The following GRM4 variants were observed in gnomAD, a reference collection of about 807,000 sequenced individuals.
The protein encoded by GRM4 is metabotropic glutamate receptor 4.
In GRM4, 28 loss-of-function variants were observed where a neutral mutation model predicts 81.7. The ratio of observed to expected loss-of-function variants is 0.34; its 90% CI spans 0.25 to 0.47. GRM4 has a LOEUF of 0.47. Among genes scored for constraint, GRM4 ranks in the 20% least tolerant of loss-of-function variants. GRM4 has a pLI of 1.00. For synonymous variants in GRM4, 488 were observed against 528.8 expected, an observed-to-expected ratio of 0.92 and a Z score of 1.06; for missense variants, 948 against 1,290.0, an observed-to-expected ratio of 0.73 and a Z score of 4.06.
rs190400750 is a variant in GRM4 at position 34,039,084 on chromosome 6, T to G, written c.1506+1094A>C. Among the ~76,000 whole-genome samples, 7 of 152,306 alleles carry G rather than the reference T, an allele frequency of 4.6e-5. No homozygotes were observed. In the East Asian group the frequency reaches 1.4e-3, roughly 29 times the overall value. On this transcript the variant is annotated intron_variant, in intron 8 of 10. Transcript: ENST00000538487. The stretch of plus-strand genomic sequence containing the variant: ...CTTGGTGTTATCCCACTTTGCCAAG[T>G]GCTCCTCACACCCTGTTGTGCCCAT...
intron 1 of GRM4, among the ~76,000 whole-genome samples, chr6:34,135,938 C>T (rs1561833932): frequency 6.6e-6 from 1 of 152,190 alleles, no homozygotes; most frequent in Non-Finnish European, 1.5e-5. Context: ...GACAAATTTT[C>T]AGTTGTTGCA....
chr6:34,085,258 C>T (rs1033259455), intron 3 of GRM4, among the ~76,000 whole-genome samples: 6 of 152,226 alleles, frequency 3.9e-5, no homozygotes, highest in African/African-American at 1.4e-4. Context: ...GACTGAGCCT[C>T]TTTCCCTTCC....
intron 3 of GRM4, among the ~76,000 whole-genome samples, chr6:34,066,180 C>T (rs922567183): frequency 6.6e-6 from 1 of 152,200 alleles, no homozygotes; most frequent in Non-Finnish European, 1.5e-5. Flanking sequence ...CAAGCCAGTG[C>T]TTCCCCGTCC....
Position 34,028,223 on chromosome 6 carries a change from G to A in GRM4, c.2586C>T (p.Ala862=), listed in dbSNP as rs1045788913. The A allele has an allele frequency of 2.5e-6, 4 of 1,614,102 alleles. No individual in the cohort carries two copies. Among genetic ancestry groups the A allele is most frequent in the Admixed American group, 1.7e-5 (1 of 60,032 alleles). ...NVPKRKRSLK[A]VVTAATMSNK... is the part of the protein sequence containing the mutation. ...TGGACATGGTGGCCGCCGTAACGAC[G>A]GCTTTGAGGCTGCGCTTGCGCTTGG... is the stretch of plus-strand genomic sequence containing the variant. Residue 862 remains alanine (A), a synonymous_variant, in exon 10 of 11, where the codon GCC becomes GCT. Transcript: ENST00000538487.
chr6:34,146,110 C>G, upstream of GRM4: 1 of 985,466 alleles, frequency 1.0e-6, no homozygotes, highest in Non-Finnish European at 1.2e-6. Flanking sequence ...CGCAGAGGGG[C>G]GCGCTACTCC....
chr6:34,104,662 T>C (rs1424650092), intron 2 of GRM4, among the ~76,000 whole-genome samples: 1 of 152,138 alleles, frequency 6.6e-6, no homozygotes, highest in Non-Finnish European at 1.5e-5. Context: ...GCCCTTTGCC[T>C]ACACCATCCC....
At position 34,101,918 on chromosome 6, in the gene GRM4, C is replaced by T. The variant is rs1768860149; in HGVS notation, c.520-9819G>A. The T allele has an allele frequency of 2.5e-5, 28 of 1,110,276 alleles. 1 individual carries two copies. The South Asian group carries it at 3.3e-4, about 13-fold the overall frequency. The allele number at this position is 1,110,276 out of a possible 1,614,324, so 68.8% of individuals were successfully genotyped here. The stretch of plus-strand genomic sequence containing the variant: ...GCTGCCAGAGAGTGATCTCGTGGCC[C>T]CTGGCTTCTCTCCCGGAGGCCAGGG... On this transcript the variant is annotated intron_variant, in intron 2 of 10. Coordinates refer to ENST00000538487, the MANE Select transcript of GRM4 (RefSeq NM_000841.4).
intron 8 of GRM4, among the ~76,000 whole-genome samples, 199 bp downstream of exon 8, chr6:34,039,979 G>A (rs556741223): frequency 2.6e-5 from 4 of 152,336 alleles, no homozygotes; most frequent in African/African-American, 7.2e-5. Context: ...GCAGAACTCC[G>A]ACTGCCCTGT....
In GRM4 at chr6:34,078,806, G is replaced by A. The variant is rs116336273; in HGVS notation, c.736+13077C>T. Among the ~76,000 whole-genome samples, 1,179 of 152,252 alleles carry A rather than the reference G, an allele frequency of 7.7e-3. 17 individuals are homozygous for A. The highest frequency in any genetic ancestry group is 0.024 in the African/African-American group (991 of 41,518). ...GGGCCCCAAGCCGTCTGCAAGAGTC[G>A]TTAGCTTTCCTTCTGGCTCATTAAA... is the stretch of plus-strand genomic sequence containing the variant. On this transcript the variant is annotated intron_variant, in intron 3 of 10. Coordinates refer to ENST00000538487, the MANE Select transcript of GRM4 (RefSeq NM_000841.4). This position sits in a 1 kb window ranked among gnomAD's most constrained non-coding sequence, Gnocchi z 4.8.
At chr6:34,117,677 T>A (rs1169871893) in intron 2 of GRM4, among the ~76,000 whole-genome samples, 1 of 152,134 alleles carries the variant, frequency 6.6e-6, no homozygotes, top group Non-Finnish European at 1.5e-5. Context: ...GGCTGCCTCC[T>A]ACACTCCACC....
chr6:34,137,318 C>T (rs1225330234), intron 1 of GRM4, among the ~76,000 whole-genome samples: 1 of 152,230 alleles, frequency 6.6e-6, no homozygotes, highest in African/African-American at 2.4e-5. Context: ...AATGAGAGCC[C>T]TGAGGGGCAG....
Position 34,068,085 on chromosome 6 carries a change from T to C in GRM4, c.737-6057A>G, listed in dbSNP as rs1188039003. ...GCGCCATGCAGCCTGCGTCCCAGGG[T>C]GGGAAGGAACCGTAAACATCCTGGA... On this transcript the variant is annotated intron_variant, in intron 3 of 10. Transcript: ENST00000538487. This position sits in a 1 kb window ranked among gnomAD's most constrained non-coding sequence, Gnocchi z 4.2. 6.6e-6 allele frequency among the ~76,000 whole-genome samples: 1 copy of C among 151,924 alleles called. No homozygotes were observed. The highest frequency in any genetic ancestry group is 1.5e-5 in the Non-Finnish European group (1 of 67,980).
chr6:34,101,779 G>A (rs551728351), intron 2 of GRM4, among the ~76,000 whole-genome samples: 23 of 152,346 alleles, frequency 1.5e-4, no homozygotes, highest in Non-Finnish European at 2.8e-4. Flanking sequence ...TTAATTTCAT[G>A]CTTATTATAG....
chr6:34,149,646 C>T, upstream of GRM4, among the ~76,000 whole-genome samples: 1 of 152,210 alleles, frequency 6.6e-6, no homozygotes, highest in South Asian at 2.1e-4. Flanking sequence ...CCACAGCCTG[C>T]TCGGGACAGG....
At chr6:34,060,520 T>G (rs1766128466) in intron 4 of GRM4, 1 of 152,274 alleles carries the variant, frequency 6.6e-6, no homozygotes, top group Non-Finnish European at 1.5e-5. Flanking sequence ...GCTTCTTCGC[T>G]GGGACAAAAG....
chr6:34,057,339 G>C (rs1334643680), intron 5 of GRM4, among the ~76,000 whole-genome samples: 1 of 152,194 alleles, frequency 6.6e-6, no homozygotes, highest in African/African-American at 2.4e-5. Flanking sequence ...CTCTGTATGG[G>C]CCAGAGGCCT....
At chr6:34,072,685 T>TCTC (rs1767006575) in intron 3 of GRM4, among the ~76,000 whole-genome samples, 1 of 51,840 alleles carries the variant, frequency 1.9e-5, no homozygotes, top group South Asian at 5.9e-4. Flanking sequence ...CACACACACA[T>TCTC]CACCATACAG....
At position 34,028,893 on chromosome 6, in the gene GRM4, CA is replaced by C. The variant is rs1316427397; in HGVS notation, c.2443-528del. On this transcript the variant is annotated intron_variant, in intron 9 of 10. Coordinates refer to ENST00000538487, the MANE Select transcript of GRM4 (RefSeq NM_000841.4). ...GACCTCCATTCAATGACTGCCCCCGCAACGGTCCCCCAGTGCAGAGCATGGG... is the reference window on the plus strand; with the variant it reads ...GACCTCCATTCAATGACTGCCCCCGCACGGTCCCCCAGTGCAGAGCATGGG... 2.0e-5 allele frequency among the ~76,000 whole-genome samples: 3 copies of C among 152,286 alleles called. No homozygotes were observed. In the East Asian group the frequency reaches 5.8e-4, roughly 29 times the overall value.
intron 1 of GRM4, among the ~76,000 whole-genome samples, chr6:34,142,268 G>A (rs1442908440): frequency 6.6e-6 from 1 of 152,150 alleles, no homozygotes; most frequent in Non-Finnish European, 1.5e-5. Flanking sequence ...TTCTTCAGGA[G>A]GCAAAGGCAG....
Sources: allele counts gnomAD v4.1 joint callset (sites outside exome capture counted in the v4.1 genomes callset), GRCh38; gene constraint gnomAD v4.1.1; non-coding constraint Gnocchi (gnomAD v3.1); transcripts MANE v1.5; gene names NCBI Gene and HGNC (gene_info 2026-07-23, HGNC 2026-07-21).